Variants in CSMD1 observed in about 807,000 individuals in gnomAD.
CSMD1 encodes the protein CUB and sushi domain-containing protein 1.
CSMD1 carries 213 observed loss-of-function variants against 417.5 expected under a neutral mutation model. The observed-to-expected ratio is 0.51, with a 90% CI of 0.46 to 0.57. CSMD1 has a LOEUF of 0.57. CSMD1 is among the 20% of genes least tolerant of loss of function. The pLI, the probability that CSMD1 is intolerant of heterozygous loss-of-function variation, is 0.00. For synonymous variants in CSMD1, 2,862 were observed against 1,736.8 expected (o/e 1.65, Z -16.11); for missense variants, 6,923 against 4,529.7 (o/e 1.53, Z -15.17).
intron 53 of CSMD1, 134 bp from the exon 54 acceptor site, chr8:2,998,318 G>A (rs562948906): frequency 5.1e-6 from 4 of 785,606 alleles, no homozygotes; most frequent in Non-Finnish European, 8.1e-6. Flanking sequence ...GCAGCTTACA[G>A]ATGGTATTTA....
At chr8:4,026,790 T>G (rs999609487) in intron 4 of CSMD1, among the ~76,000 whole-genome samples, 2 of 152,194 alleles carry the variant, frequency 1.3e-5, no homozygotes, top group African/African-American at 4.8e-5. Flanking sequence ...AGTTTGAAGT[T>G]GACAAATGAT....
intron 3 of CSMD1, among the ~76,000 whole-genome samples, chr8:4,214,140 G>C (rs1041208591): frequency 8.5e-5 from 13 of 152,108 alleles, no homozygotes; most frequent in African/African-American, 2.7e-4. Flanking sequence ...TTTTGGCTTA[G>C]TTCTTGGATC....
chr8:4,717,367 A>C (rs1808734439), intron 1 of CSMD1, among the ~76,000 whole-genome samples: 1 of 144,106 alleles, frequency 6.9e-6, no homozygotes, highest in Non-Finnish European at 1.5e-5. Context: ...ATATACACAC[A>C]TATATATACA....
intron 2 of CSMD1, among the ~76,000 whole-genome samples, chr8:4,422,729 G>C (rs1797318905): frequency 6.6e-6 from 1 of 151,640 alleles, no homozygotes; most frequent in South Asian, 2.1e-4. Context: ...GATAAACACA[G>C]AAAAAAGAAA....
intron 23 of CSMD1, among the ~76,000 whole-genome samples, chr8:3,313,169 G>T (rs553366825): frequency 6.6e-6 from 1 of 152,210 alleles, no homozygotes; most frequent in Non-Finnish European, 1.5e-5. Flanking sequence ...AAAAACTCTA[G>T]AAGAAAACCT....
chr8:4,460,203 A>G (rs1799728625), intron 2 of CSMD1, among the ~76,000 whole-genome samples: 1 of 152,176 alleles, frequency 6.6e-6, no homozygotes, highest in Non-Finnish European at 1.5e-5. Context: ...TTTGAGAAAT[A>G]ATAGAATACG....
At position 4,542,208 on chromosome 8, in the gene CSMD1, T is replaced by C. The variant is rs542504372; in HGVS notation, c.302+95134A>G. Among the ~76,000 whole-genome samples, 4 of 152,280 alleles carry C rather than the reference T, an allele frequency of 2.6e-5. No homozygotes were observed. The East Asian group carries it at 5.8e-4, about 22-fold the overall frequency. On this transcript the variant is annotated intron_variant, in intron 2 of 69. Transcript: ENST00000635120. ...TCCTCAAACTTTCTGAATAAAAATATGGCACAACTTGTTTCATGGAAGAAA... is the reference window on the plus strand; with the variant it reads ...TCCTCAAACTTTCTGAATAAAAATACGGCACAACTTGTTTCATGGAAGAAA...
chr8:3,623,579 T>A (rs1230822261), intron 7 of CSMD1, among the ~76,000 whole-genome samples: 1 of 152,238 alleles, frequency 6.6e-6, no homozygotes, highest in African/African-American at 2.4e-5. Context: ...ACTCTTAGTA[T>A]CATTTACATA....
chr8:3,049,913 G>A (rs117936903), intron 50 of CSMD1, among the ~76,000 whole-genome samples: 2,425 of 152,162 alleles, frequency 0.016, 26 homozygotes, highest in East Asian at 0.031. Context: ...CAATTTTGCT[G>A]TGAACCTAAA....
rs578068650 is a variant in CSMD1 at position 4,057,778 on chromosome 8, T to C, written c.416-25679A>G. On this transcript the variant is annotated intron_variant, in intron 3 of 69. Transcript: ENST00000635120. ...GCTAGCCAGTTTTCCCAGCACCATT[T>C]AATAAATAGGGACTCCTTTCCCCAT... Among the ~76,000 whole-genome samples the C allele has an allele frequency of 1.4e-4, 22 of 152,270 alleles. 2 individuals carry two copies. The South Asian group carries it at 4.6e-3, about 32-fold the overall frequency.
chr8:3,770,299 C>G (rs111314406), intron 5 of CSMD1, among the ~76,000 whole-genome samples: 10 of 151,822 alleles, frequency 6.6e-5, no homozygotes, highest in Admixed American at 5.9e-4. Flanking sequence ...AGGCCGAGGG[C>G]GGGGGTGGAT....
chr8:3,540,224 G>T (rs1798380487), intron 10 of CSMD1, among the ~76,000 whole-genome samples: 1 of 152,212 alleles, frequency 6.6e-6, no homozygotes, highest in African/African-American at 2.4e-5. Context: ...ATTAAACAAT[G>T]AATTTTAACC....
intron 5 of CSMD1, among the ~76,000 whole-genome samples, chr8:3,929,913 C>T (rs1326287536): frequency 6.7e-6 from 1 of 150,120 alleles, no homozygotes; most frequent in Non-Finnish European, 1.5e-5. Flanking sequence ...CTACCTGCCT[C>T]AGCCTCCCAA....
At chr8:3,275,024 T>C (rs1382096226) in intron 26 of CSMD1, among the ~76,000 whole-genome samples, 2 of 138,920 alleles carry the variant, frequency 1.4e-5, no homozygotes, top group Admixed American at 1.5e-4. Flanking sequence ...TTCCTAGCCT[T>C]GATGGTCTTT....
intron 1 of CSMD1, among the ~76,000 whole-genome samples, chr8:4,749,797 A>G (rs1445474937): frequency 1.3e-5 from 2 of 152,142 alleles, no homozygotes; most frequent in Non-Finnish European, 2.9e-5. Flanking sequence ...GGCCTGTATG[A>G]CACATTGTTT....
At chr8:3,673,831 T>G (rs1036665513) in intron 7 of CSMD1, among the ~76,000 whole-genome samples, 1 of 152,176 alleles carries the variant, frequency 6.6e-6, no homozygotes, top group Non-Finnish European at 1.5e-5. Flanking sequence ...AGGAACTCTC[T>G]GGAGGGCCAG....
intron 23 of CSMD1, among the ~76,000 whole-genome samples, chr8:3,320,782 C>A (rs545249126): frequency 6.7e-4 from 102 of 152,300 alleles, no homozygotes; most frequent in African/African-American, 2.4e-3. Context: ...TGGGCTTATT[C>A]CTGAGGCATT....
intron 1 of CSMD1, among the ~76,000 whole-genome samples, chr8:4,697,207 A>C (rs903278197): frequency 6.6e-6 from 1 of 152,026 alleles, no homozygotes; most frequent in South Asian, 2.1e-4. Flanking sequence ...AATCAGAAAA[A>C]ATCATTCTAC....
At chr8:3,403,807 G>A (rs1004581783) in intron 15 of CSMD1, among the ~76,000 whole-genome samples, 7 of 152,130 alleles carry the variant, frequency 4.6e-5, no homozygotes, top group African/African-American at 1.7e-4. Context: ...AGCACCACAT[G>A]TGTATATATT....
Sources: allele counts gnomAD v4.1 joint callset (sites outside exome capture counted in the v4.1 genomes callset), GRCh38; gene constraint gnomAD v4.1.1; transcripts MANE v1.5; gene names NCBI Gene and HGNC (gene_info 2026-07-23, HGNC 2026-07-21).